SPAG16: variants seen among roughly 807,000 people sequenced by gnomAD.
The protein encoded by SPAG16 is sperm associated antigen 16, also known as sperm-associated antigen 16 protein.
A neutral mutation model predicts 80.4 loss-of-function variants in SPAG16; 86 were observed. That is an observed-to-expected ratio of 1.07 (90% CI 0.90 to 1.28). The LOEUF (loss-of-function observed/expected upper bound fraction) is 1.28. SPAG16 is among the 50% of genes most tolerant of loss of function. SPAG16 has a pLI of 0.00. For synonymous variants in SPAG16, 294 were observed against 265.9 expected (o/e 1.11, Z -1.03); for missense variants, 870 against 765.3 (o/e 1.14, Z -1.61).
At chr2:214,013,715 T>C (rs2047436333) in intron 12 of SPAG16, among the ~76,000 whole-genome samples, 1 of 152,224 alleles carries the variant, frequency 6.6e-6, no homozygotes, top group South Asian at 2.1e-4. Flanking sequence ...TAAAGATGAC[T>C]TTACCAAGTG....
intron 9 of SPAG16, among the ~76,000 whole-genome samples, chr2:213,480,136 C>T (rs1443480462): frequency 6.6e-6 from 1 of 152,114 alleles, no homozygotes; most frequent in African/African-American, 2.4e-5. Flanking sequence ...TCTTGAGTAG[C>T]TAATAGTAGA....
At chr2:213,384,797 C>T (rs968580041) in intron 9 of SPAG16, among the ~76,000 whole-genome samples, 2 of 152,200 alleles carry the variant, frequency 1.3e-5, no homozygotes, top group Non-Finnish European at 2.9e-5. Flanking sequence ...TCTGGTCGTA[C>T]AGATTGAACA....
intron 10 of SPAG16, among the ~76,000 whole-genome samples, chr2:213,518,872 T>G (rs1329771436): frequency 6.6e-6 from 1 of 152,210 alleles, no homozygotes; most frequent in Non-Finnish European, 1.5e-5. Flanking sequence ...ACATATACAC[T>G]GTGGAATACT....
At chr2:213,357,301 T>C (rs2065712611) in intron 7 of SPAG16, among the ~76,000 whole-genome samples, 1 of 152,198 alleles carries the variant, frequency 6.6e-6, no homozygotes, top group Non-Finnish European at 1.5e-5. Context: ...GTTGAAGTCC[T>C]GGATATCCTT....
chr2:213,833,567 A>T (rs5014688), intron 10 of SPAG16, among the ~76,000 whole-genome samples: 1,764 of 3,746 alleles, frequency 0.47, 620 homozygotes, highest in South Asian at 0.57. Context: ...AATATATATA[A>T]TATATATATA....
At chr2:213,415,557 TAGAC>T (rs1001907059) in intron 9 of SPAG16, among the ~76,000 whole-genome samples, 11 of 152,164 alleles carry the variant, frequency 7.2e-5, no homozygotes, top group African/African-American at 2.7e-4. Context: ...TTGGGAAGAA[TAGAC>T]AGATTTGGTA....
At chr2:214,244,021 A>G (rs984910646) in intron 15 of SPAG16, among the ~76,000 whole-genome samples, 1 of 152,112 alleles carries the variant, frequency 6.6e-6, no homozygotes, top group Non-Finnish European at 1.5e-5. Flanking sequence ...AGCCATTTAT[A>G]AATTCTTATA....
At chr2:213,942,601 G>T (rs528540948) in intron 12 of SPAG16, among the ~76,000 whole-genome samples, 3 of 152,152 alleles carry the variant, frequency 2.0e-5, no homozygotes, top group African/African-American at 7.2e-5. Flanking sequence ...AGCTTCAGTT[G>T]GGACAGCTGG....
At chr2:213,725,357 GCCT>G (rs1264479933) in intron 10 of SPAG16, among the ~76,000 whole-genome samples, 3 of 152,140 alleles carry the variant, frequency 2.0e-5, no homozygotes, top group Non-Finnish European at 4.4e-5. Flanking sequence ...ATTGCTGTGT[GCCT>G]CACTAATCTG....
At chr2:213,898,176 T>G (rs1426511019) in intron 11 of SPAG16, among the ~76,000 whole-genome samples, 1 of 152,196 alleles carries the variant, frequency 6.6e-6, no homozygotes, top group African/African-American at 2.4e-5. Flanking sequence ...AAAGACTATG[T>G]ATGTTTCAGA....
intron 9 of SPAG16, among the ~76,000 whole-genome samples, chr2:213,391,051 C>T (rs889156848): frequency 1.9e-4 from 29 of 152,090 alleles, no homozygotes; most frequent in African/African-American, 6.5e-4. Flanking sequence ...GGGTGGATCA[C>T]GAAATCAGGA....
At chr2:214,259,429 A>G (rs1364123106) in intron 15 of SPAG16, among the ~76,000 whole-genome samples, 1 of 147,640 alleles carries the variant, frequency 6.8e-6, no homozygotes, top group Non-Finnish European at 1.5e-5. Context: ...ATGTGTGTGT[A>G]TATATACACA....
At chr2:214,280,810 TCTC>T (rs562863358) in intron 15 of SPAG16, 5 of 452,270 alleles carry the variant, frequency 1.1e-5, no homozygotes, top group South Asian at 7.3e-5. Context: ...TTCTTATACA[TCTC>T]CTCCATGTCT....
At chr2:213,891,797 A>G (rs1027584154) in intron 11 of SPAG16, among the ~76,000 whole-genome samples, 2 of 152,280 alleles carry the variant, frequency 1.3e-5, no homozygotes, top group Admixed American at 1.3e-4. Flanking sequence ...CACATCTGCA[A>G]TATCTGTCCC....
chr2:213,316,724 A>G (rs1420479804), intron 4 of SPAG16, among the ~76,000 whole-genome samples: 2 of 152,000 alleles, frequency 1.3e-5, no homozygotes, highest in African/African-American at 4.8e-5. Flanking sequence ...CTTCTCTCCC[A>G]GCTATCCACA....
chr2:213,537,568 G>C (rs1304646604), intron 10 of SPAG16, among the ~76,000 whole-genome samples: 1 of 152,110 alleles, frequency 6.6e-6, no homozygotes, highest in African/African-American at 2.4e-5. Context: ...ATAGGGAGCA[G>C]TGAGTGGAAG....
intron 10 of SPAG16, among the ~76,000 whole-genome samples, chr2:213,806,703 C>A (rs1315155661): frequency 6.6e-6 from 1 of 151,866 alleles, no homozygotes; most frequent in Non-Finnish European, 1.5e-5. Context: ...GAGTACAAAC[C>A]AAAGACTAAA....
intron 11 of SPAG16, among the ~76,000 whole-genome samples, chr2:213,886,300 A>G (rs2076550907): frequency 1.3e-5 from 2 of 152,102 alleles, no homozygotes; most frequent in African/African-American, 4.8e-5. Flanking sequence ...TCTGGTTTCT[A>G]TGTCCTGCCT....
At position 213,842,351 on chromosome 2, in the gene SPAG16, TTC is replaced by T. The variant is rs543197495; in HGVS notation, c.1071-20132_1071-20131del. 1.1e-4 allele frequency among the ~76,000 whole-genome samples: 17 copies of T among 152,270 alleles called. No individual in the cohort carries two copies. In the South Asian group the frequency reaches 3.5e-3, roughly 32 times the overall value. ...TCCTCAGAAAAATTTGGTGTTTATC[TTC>T]TGTTTTATTTTCACGGTTTTAACAG... is the stretch of plus-strand genomic sequence containing the variant. On this transcript the variant is annotated intron_variant, in intron 10 of 15. Coordinates refer to ENST00000331683, the MANE Select transcript of SPAG16 (RefSeq NM_024532.5).
Sources: gnomAD v4.1 joint callset for allele counts (sites outside exome capture counted in the v4.1 genomes callset) on GRCh38, gnomAD v4.1.1 for gene constraint, MANE v1.5 for transcripts, NCBI Gene and HGNC (gene_info 2026-07-23, HGNC 2026-07-21) for gene names.